Variants in MAGI2 observed in about 807,000 individuals in gnomAD.
MAGI2 encodes the protein membrane-associated guanylate kinase, WW and PDZ domain-containing protein 2.
A neutral mutation model predicts 133.3 loss-of-function variants in MAGI2; 35 were observed. The observed-to-expected ratio is 0.26, with a 90% CI of 0.20 to 0.35. The LOEUF (loss-of-function observed/expected upper bound fraction) is 0.35, where lower values mean the gene tolerates loss of function less well. Ranked by LOEUF, MAGI2 falls within the 10% of genes least tolerant of loss-of-function variation. MAGI2 has a pLI of 1.00. For synonymous variants in MAGI2, 729 were observed against 710.6 expected (o/e 1.03, Z -0.41); for missense variants, 1,636 against 1,863.4 (o/e 0.88, Z 2.25).
chr7:78,539,454 G>A (rs1036220145), intron 3 of MAGI2, among the ~76,000 whole-genome samples: 1 of 151,388 alleles, frequency 6.6e-6, no homozygotes, highest in African/African-American at 2.4e-5. Context: ...ATGTTCATCA[G>A]GGATATTGGT....
At chr7:78,297,744 C>A (rs932969575) in intron 9 of MAGI2, among the ~76,000 whole-genome samples, 61 of 149,978 alleles carry the variant, frequency 4.1e-4, no homozygotes, top group Admixed American at 1.1e-3. Flanking sequence ...AAACCAAACA[C>A]CGCATATTCT....
intron 2 of MAGI2, among the ~76,000 whole-genome samples, chr7:78,996,473 CAT>C (rs1273553477): frequency 6.6e-6 from 1 of 151,982 alleles, no homozygotes; most frequent in Non-Finnish European, 1.5e-5. Flanking sequence ...CTTAGGGACA[CAT>C]AGAAGAGAAA....
At chr7:78,819,306 T>C (rs192114582) in intron 2 of MAGI2, among the ~76,000 whole-genome samples, 1 of 152,236 alleles carries the variant, frequency 6.6e-6, no homozygotes, top group East Asian at 1.9e-4. Context: ...GTTTTGGACA[T>C]TGTGACTCTT....
intron 2 of MAGI2, among the ~76,000 whole-genome samples, chr7:79,001,341 C>A (rs1005999589): frequency 1.3e-5 from 2 of 152,200 alleles, no homozygotes; most frequent in Non-Finnish European, 1.5e-5. Context: ...AAAACTGTCT[C>A]ACCAAATGAC....
intron 21 of MAGI2, among the ~76,000 whole-genome samples, chr7:78,055,868 G>A (rs1354765614): frequency 1.3e-5 from 2 of 152,164 alleles, no homozygotes; most frequent in Non-Finnish European, 2.9e-5. Context: ...CTCAGGAAGG[G>A]GGGCAATCCT....
intron 18 of MAGI2, among the ~76,000 whole-genome samples, chr7:78,130,608 C>A (rs1821469739): frequency 2.0e-5 from 3 of 152,172 alleles, no homozygotes; most frequent in Admixed American, 6.5e-5. Context: ...TGCAAATGTG[C>A]CACCACCAAC....
intron 21 of MAGI2, among the ~76,000 whole-genome samples, chr7:78,052,769 T>G (rs929765366): frequency 2.6e-5 from 4 of 152,188 alleles, no homozygotes; most frequent in African/African-American, 9.6e-5. Context: ...GCAGGTACAC[T>G]GACCCACTGG....
At chr7:78,950,699 A>G (rs1042818739) in intron 2 of MAGI2, among the ~76,000 whole-genome samples, 4 of 152,204 alleles carry the variant, frequency 2.6e-5, no homozygotes, top group African/African-American at 9.6e-5. Flanking sequence ...AGAAAAGATA[A>G]GGACTTGTTC....
intron 6 of MAGI2, among the ~76,000 whole-genome samples, chr7:78,417,799 T>C (rs959043803): frequency 6.6e-6 from 1 of 152,186 alleles, no homozygotes; most frequent in African/African-American, 2.4e-5. Context: ...TGGTAGAGTT[T>C]AGATTCAACA....
chr7:78,509,608 G>A (rs4730347), intron 4 of MAGI2, among the ~76,000 whole-genome samples: 63,050 of 151,974 alleles, frequency 0.41, 13,498 homozygotes, highest in South Asian at 0.53. Flanking sequence ...AAATATGCAT[G>A]GCAGCCATTC....
At chr7:78,975,475 A>G (rs745371448) in intron 2 of MAGI2, among the ~76,000 whole-genome samples, 1 of 151,718 alleles carries the variant, frequency 6.6e-6, no homozygotes, top group Non-Finnish European at 1.5e-5. Flanking sequence ...ACTTTGAACT[A>G]AATGGGAATG....
At chr7:78,533,844 G>C (rs1797667021) in intron 3 of MAGI2, among the ~76,000 whole-genome samples, 1 of 152,158 alleles carries the variant, frequency 6.6e-6, no homozygotes, top group Non-Finnish European at 1.5e-5. Flanking sequence ...ATAAGAGTGA[G>C]TGAAGGTGAG....
At chr7:78,072,670 T>C (rs1167048675) in intron 21 of MAGI2, 3 of 377,174 alleles carry the variant, frequency 8.0e-6, no homozygotes, top group Non-Finnish European at 1.4e-5. Context: ...ACTTATAACA[T>C]TTACTTGGCA....
At chr7:78,882,848 G>A (rs1270681986) in intron 2 of MAGI2, among the ~76,000 whole-genome samples, 2 of 151,974 alleles carry the variant, frequency 1.3e-5, no homozygotes, top group African/African-American at 4.8e-5. Flanking sequence ...GGCATAGAAA[G>A]AACATACCTC....
chr7:79,166,178 G>A (rs915262603), intron 1 of MAGI2, among the ~76,000 whole-genome samples: 1 of 152,050 alleles, frequency 6.6e-6, no homozygotes. Flanking sequence ...TTGAATGTGG[G>A]TGGGACTGTG....
In MAGI2 at chr7:78,793,802, A is replaced by C. The variant is rs149231500; in HGVS notation, c.419-166563T>G. Among the ~76,000 whole-genome samples, 1,450 of 152,326 alleles carry C rather than the reference A, an allele frequency of 9.5e-3. 29 individuals are homozygous for C. Among genetic ancestry groups the C allele is most frequent in the African/African-American group, 0.033 (1,388 of 41,570 alleles). ...AGTTCAAAGAGTCTGTAAAGCCAAA[A>C]ACTGGAAACAGTACAGTTGCTTAGT... On this transcript the variant is annotated intron_variant, in intron 2 of 21. Transcript: ENST00000354212.
At chr7:78,565,050 T>C (rs933345449) in intron 3 of MAGI2, among the ~76,000 whole-genome samples, 2 of 151,852 alleles carry the variant, frequency 1.3e-5, no homozygotes, top group Admixed American at 6.6e-5. Context: ...GCCTCAGCCT[T>C]CCAAAGTGCT....
chr7:78,700,803 C>T (rs1817989013), intron 2 of MAGI2, among the ~76,000 whole-genome samples: 1 of 151,848 alleles, frequency 6.6e-6, no homozygotes, highest in Non-Finnish European at 1.5e-5. Context: ...TGACACTTTT[C>T]AACAGTTCTC....
intron 2 of MAGI2, among the ~76,000 whole-genome samples, chr7:78,746,946 T>C (rs1822981147): frequency 6.6e-6 from 1 of 152,216 alleles, no homozygotes; most frequent in African/African-American, 2.4e-5. Context: ...TGTGTTTTAT[T>C]TTGCCACTGT....
Sources: allele counts gnomAD v4.1 joint callset (sites outside exome capture counted in the v4.1 genomes callset), GRCh38; gene constraint gnomAD v4.1.1; transcripts MANE v1.5; gene names NCBI Gene and HGNC (gene_info 2026-07-23, HGNC 2026-07-21).